The following CACNA2D3 variants were observed in gnomAD, a reference collection of about 807,000 sequenced individuals.
CACNA2D3 encodes calcium voltage-gated channel auxiliary subunit alpha2delta 3.
A neutral mutation model predicts 160.6 loss-of-function variants in CACNA2D3; 60 were observed. The ratio of observed to expected loss-of-function variants is 0.37; its 90% CI spans 0.30 to 0.46. The LOEUF (loss-of-function observed/expected upper bound fraction) is 0.46, where lower values mean the gene tolerates loss of function less well. Among genes scored for constraint, CACNA2D3 ranks in the 20% least tolerant of loss-of-function variants. The pLI is 1.00. For synonymous variants in CACNA2D3, 558 were observed against 492.9 expected, an observed-to-expected ratio of 1.13 and a Z score of -1.75; for missense variants, 1,205 against 1,365.0, an observed-to-expected ratio of 0.88 and a Z score of 1.85.
In CACNA2D3 at chr3:55,000,348, A is replaced by C. The variant is rs1237510237; in HGVS notation, c.2691-4415A>C. Among the ~76,000 whole-genome samples, 4 of 152,172 alleles carry C rather than the reference A, an allele frequency of 2.6e-5. No homozygotes were observed. The South Asian group carries it at 8.3e-4, about 32-fold the overall frequency. ...AGTGTGGAGAAGACAGGGAAGGCTT[A>C]TTTTGTAACCTCGTCAATGGCAATA... is the stretch of plus-strand genomic sequence containing the variant. On this transcript the variant is annotated intron_variant, in intron 31 of 37. Transcript: ENST00000474759.
chr3:54,917,584 T>C (rs550872670), intron 27 of CACNA2D3, among the ~76,000 whole-genome samples: 9 of 152,230 alleles, frequency 5.9e-5, no homozygotes, highest in South Asian at 2.1e-4. Context: ...CTGTGCGCTA[T>C]GTATGCAGAT....
intron 2 of CACNA2D3, chr3:54,177,906 T>C (rs2107319355): frequency 6.6e-6 from 1 of 152,206 alleles, no homozygotes; most frequent in East Asian, 1.9e-4. Context: ...GAGGTAAGGA[T>C]AATTTTTTAA....
At position 54,919,036 on chromosome 3, in the gene CACNA2D3, C is replaced by G. The variant is rs1323314566; in HGVS notation, c.2449+19168C>G. On this transcript the variant is annotated intron_variant, in intron 27 of 37. Transcript: ENST00000474759. ...TCCTGGAGTCAAAGAATTTAACAAC[C>G]ATATTTTATGATTTTAGGATTCCTA... 3 of 662,360 alleles carry G rather than the reference C, an allele frequency of 4.5e-6. No homozygotes were observed. The East Asian group carries it at 9.0e-5, about 20-fold the overall frequency. 41.0% of individuals were successfully genotyped at this position (662,360 alleles called of 1,614,324 possible).
chr3:55,039,525 G>A (rs1174180754), intron 35 of CACNA2D3, among the ~76,000 whole-genome samples: 2 of 147,564 alleles, frequency 1.4e-5, no homozygotes, highest in Admixed American at 1.3e-4. Context: ...TTGTCTTGAA[G>A]ATATAATTTA....
At chr3:54,445,050 C>T (rs1271896262) in intron 4 of CACNA2D3, among the ~76,000 whole-genome samples, 1 of 152,196 alleles carries the variant, frequency 6.6e-6, no homozygotes, top group Non-Finnish European at 1.5e-5. Flanking sequence ...AATGCAGACT[C>T]CAGAGCCCAC....
chr3:54,129,057 A>G (rs1035534663), intron 2 of CACNA2D3, among the ~76,000 whole-genome samples: 3 of 152,096 alleles, frequency 2.0e-5, no homozygotes, highest in African/African-American at 7.2e-5. Flanking sequence ...TCTCCTTTAC[A>G]GGAAGAAAAT....
At chr3:54,220,205 C>T (rs965171155) in intron 2 of CACNA2D3, among the ~76,000 whole-genome samples, 6 of 151,966 alleles carry the variant, frequency 3.9e-5, no homozygotes, top group East Asian at 1.9e-4. Flanking sequence ...TCATTTCAGT[C>T]GGTCTGCTCT....
At chr3:54,184,524 C>T (rs1478679586) in intron 2 of CACNA2D3, among the ~76,000 whole-genome samples, 1 of 152,190 alleles carries the variant, frequency 6.6e-6, no homozygotes, top group Non-Finnish European at 1.5e-5. Context: ...GAGAAAAGGA[C>T]ATTTGTCTCC....
Position 54,638,527 on chromosome 3 carries a change from AAGGAGCAGCCTGGGG to A in CACNA2D3, c.1054-3596_1054-3582del, listed in dbSNP as rs1699430669. Reference sequence around the variant, plus strand: ...GAATTGGGACCTAGCTCGGCCTGGCAAGGAGCAGCCTGGGGAGGAAGGGAGAGGTCAGATGGGTCT... The same window carrying A: ...GAATTGGGACCTAGCTCGGCCTGGCAAGGAAGGGAGAGGTCAGATGGGTCT... On this transcript the variant is annotated intron_variant, in intron 10 of 37. Coordinates refer to ENST00000474759, the MANE Select transcript of CACNA2D3 (RefSeq NM_018398.3). The A allele has an allele frequency of 2.0e-5, 3 of 151,896 alleles. No homozygotes were observed. In the South Asian group the frequency reaches 6.2e-4, roughly 32 times the overall value. The allele number at this position is 151,896 out of a possible 1,614,324, so 9.4% of individuals were successfully genotyped here. A position where few individuals can be genotyped will look rare whatever the true frequency, so the allele number is the denominator to read the frequency against.
At chr3:55,069,540 T>A (rs949452560) in intron 35 of CACNA2D3, among the ~76,000 whole-genome samples, 1 of 152,214 alleles carries the variant, frequency 6.6e-6, no homozygotes, top group Non-Finnish European at 1.5e-5. Context: ...TTTTCGTTGG[T>A]TATTGCCAGT....
chr3:54,956,093 A>G (rs1240540121), intron 27 of CACNA2D3, among the ~76,000 whole-genome samples: 1 of 151,932 alleles, frequency 6.6e-6, no homozygotes, highest in Non-Finnish European at 1.5e-5. Context: ...CCCTCCTCAT[A>G]ATCACCTCAT....
chr3:54,818,085 C>G (rs182282435), intron 14 of CACNA2D3, among the ~76,000 whole-genome samples: 8 of 152,276 alleles, frequency 5.3e-5, no homozygotes, highest in Admixed American at 4.6e-4. Context: ...GGACCAGCTT[C>G]CACTTATTGA....
chr3:54,455,508 TC>T (rs1559485570), intron 4 of CACNA2D3, among the ~76,000 whole-genome samples: 1 of 152,122 alleles, frequency 6.6e-6, no homozygotes, highest in African/African-American at 2.4e-5. Flanking sequence ...ATATTTTTTT[TC>T]CCATTTTGGA....
intron 2 of CACNA2D3, among the ~76,000 whole-genome samples, chr3:54,257,587 G>A (rs1702322305): frequency 1.3e-5 from 2 of 152,022 alleles, no homozygotes; most frequent in South Asian, 4.1e-4. Context: ...AGAGAGGATG[G>A]TTTTCTTCTA....
chr3:54,370,638 A>T (rs1359100418), intron 3 of CACNA2D3, among the ~76,000 whole-genome samples: 1 of 152,204 alleles, frequency 6.6e-6, no homozygotes, highest in African/African-American at 2.4e-5. Context: ...TATTGTACCC[A>T]TTAAAGAACA....
chr3:54,157,038 A>G (rs1192873840), intron 2 of CACNA2D3, among the ~76,000 whole-genome samples: 1 of 152,216 alleles, frequency 6.6e-6, no homozygotes, highest in African/African-American at 2.4e-5. Context: ...AGCAACTAGA[A>G]ATGTATTCTC....
At position 54,224,565 on chromosome 3, in the gene CACNA2D3, C is replaced by T. The variant is rs148986519; in HGVS notation, c.205-95877C>T. On this transcript the variant is annotated intron_variant, in intron 2 of 37. Transcript: ENST00000474759. ...CTCCATTATAATCTTATGAGACCAC[C>T]GTCGTATATGCCATTTGTTGTTGAC... Among the ~76,000 whole-genome samples, 126 of 152,190 alleles carry T rather than the reference C, an allele frequency of 8.3e-4. 2 individuals are homozygous for T. The East Asian group carries it at 0.02, about 24-fold the overall frequency.
chr3:54,246,458 C>T (rs1443582748), intron 2 of CACNA2D3, among the ~76,000 whole-genome samples: 1 of 152,130 alleles, frequency 6.6e-6, no homozygotes, highest in South Asian at 2.1e-4. Context: ...TTTGGGAGGC[C>T]AAGGTGGGTG....
chr3:54,426,731 G>T (rs554238613), intron 4 of CACNA2D3, among the ~76,000 whole-genome samples: 1 of 152,186 alleles, frequency 6.6e-6, no homozygotes, highest in Non-Finnish European at 1.5e-5. Flanking sequence ...GAACTTGTCA[G>T]CTGTCAAATC....
Sources: allele counts gnomAD v4.1 joint callset (sites outside exome capture counted in the v4.1 genomes callset), GRCh38; gene constraint gnomAD v4.1.1; transcripts MANE v1.5; gene names NCBI Gene and HGNC (gene_info 2026-07-23, HGNC 2026-07-21).